Variants in MIA2 observed in about 807,000 individuals in gnomAD.
MIA2 encodes the protein melanoma inhibitory activity protein 2.
In MIA2, 127 loss-of-function variants were observed where a neutral mutation model predicts 167.8. The observed-to-expected ratio is 0.76, with a 90% CI of 0.66 to 0.88. MIA2 has a LOEUF of 0.88. Among genes scored for constraint, MIA2 ranks in the 40% least tolerant of loss-of-function variants. The pLI, the probability that MIA2 is intolerant of heterozygous loss-of-function variation, is 0.00. For missense variants in MIA2, 1,690 were observed against 1,624.7 expected, an observed-to-expected ratio of 1.04 and a Z score of -0.69; for synonymous variants, 552 against 541.9, an observed-to-expected ratio of 1.02 and a Z score of -0.26.
At position 39,256,234 on chromosome 14, in the gene MIA2, A is replaced by G. The variant is rs564160872; in HGVS notation, c.1887+3063A>G. On this transcript the variant is annotated intron_variant, in intron 6 of 28. Transcript: ENST00000640607. ...GGTCTCTACAGGGCTTTAAGTTCAT[A>G]ATCTTCAGGCTAAATATTCTGAGAG... 4.6e-5 allele frequency among the ~76,000 whole-genome samples: 7 copies of G among 152,302 alleles called. No homozygotes were observed. In the South Asian group the frequency reaches 1.5e-3, roughly 32 times the overall value.
chr14:39,266,925 G>A lies in MIA2; in HGVS notation c.1888-10009G>A, dbSNP rs12896609. ...GGCCGCCCGAGGCGGGTGCCCTTGGGACATAGCCCTGGTCTTTGGGGTTGT... is the reference window on the plus strand; with the variant it reads ...GGCCGCCCGAGGCGGGTGCCCTTGGAACATAGCCCTGGTCTTTGGGGTTGT... On this transcript the variant is annotated intron_variant, in intron 6 of 28. Coordinates refer to ENST00000640607, the MANE Select transcript of MIA2 (RefSeq NM_001329214.4). 1.4e-5 allele frequency: 9 copies of A among 648,010 alleles called. No individual in the cohort carries two copies. The South Asian group carries it at 4.6e-4, about 33-fold the overall frequency. 40.1% of individuals were successfully genotyped at this position (648,010 alleles called of 1,614,324 possible).
Position 39,290,663 on chromosome 14 carries a change from G to A in MIA2, c.2131-356G>A, listed in dbSNP as rs72675413. Among the ~76,000 whole-genome samples, 865 of 152,238 alleles carry A rather than the reference G, an allele frequency of 5.7e-3. 7 individuals are homozygous for A. The highest frequency in any genetic ancestry group is 0.029 in the South Asian group (142 of 4,822). ...AATTAGACAGCTTACGTAAAAATAC[G>A]CTCTTTGAGTAAATCTTTGGATAAT... On this transcript the variant is annotated intron_variant, in intron 9 of 28. Transcript: ENST00000640607.
rs2054369924 is a variant in MIA2 at position 39,247,616 on chromosome 14, G to T, written c.1042G>T (p.Asp348Tyr). ...AGATTTTCCCAATTCCATATCATCT[G>T]ATAAAGAAGCCACAGTTCCATGTAC... ...LQDFPNSISS[D>Y]KEATVPCTEI... is the part of the protein sequence containing the mutation. The change falls in exon 4 of 29, where the codon GAT (aspartate) becomes TAT (tyrosine). Residue 348 changes from aspartate (D) to tyrosine (Y), a missense_variant. Coordinates refer to ENST00000640607, the MANE Select transcript of MIA2 (RefSeq NM_001329214.4). The T allele has an allele frequency of 1.2e-6, 2 of 1,613,756 alleles. No homozygotes were observed. The highest frequency in any genetic ancestry group is 1.7e-6 in the Non-Finnish European group (2 of 1,179,972).
chr14:39,267,929 A>G (rs2056279482), intron 6 of MIA2, among the ~76,000 whole-genome samples: 1 of 151,378 alleles, frequency 6.6e-6, no homozygotes, highest in African/African-American at 2.4e-5. Flanking sequence ...TTCTCGTTGA[A>G]CCTTGAAAGA....
chr14:39,361,437 GTTTT>G (rs71130845), intron 23 of MIA2, among the ~76,000 whole-genome samples: 3 of 139,492 alleles, frequency 2.2e-5, no homozygotes, highest in African/African-American at 8.0e-5. Flanking sequence ...TAGGTGTGTG[GTTTT>G]TTTTTTTTTT....
rs186535502 is a variant in MIA2 at position 39,303,823 on chromosome 14, C to T, written c.2787+299C>T. ...GTAGTTCCCTCAGTGCATTCTTTTT[C>T]TTCTAGTCTCAGTATTTTCTTACCC... is the stretch of plus-strand genomic sequence containing the variant. On this transcript the variant is annotated intron_variant, in intron 16 of 28. Transcript: ENST00000640607. Among the ~76,000 whole-genome samples the T allele has an allele frequency of 1.3e-4, 20 of 151,786 alleles. No individual in the cohort carries two copies. In the East Asian group the frequency reaches 3.9e-3, roughly 29 times the overall value.
At position 39,337,740 on chromosome 14, in the gene MIA2, T is replaced by C. The variant is rs1351017375; in HGVS notation, c.3656-8164T>C. On this transcript the variant is annotated intron_variant, in intron 25 of 28. Transcript: ENST00000640607. ...TATAACATTCTTTTTTTTTTCGAGA[T>C]GGAGTCTCACTCTGTCACCCAGGCT... Among the ~76,000 whole-genome samples the C allele has an allele frequency of 3.3e-5, 5 of 151,908 alleles. No individual in the cohort carries two copies. In the East Asian group the frequency reaches 9.7e-4, roughly 29 times the overall value.
At chr14:39,317,794 T>A (rs948111579) in intron 21 of MIA2, 150 bp from the exon 22 acceptor site, 1 of 464,208 alleles carries the variant, frequency 2.2e-6, no homozygotes, top group Non-Finnish European at 3.6e-6. Flanking sequence ...AGTCTTACAC[T>A]TTTTCTTACT....
intron 18 of MIA2, among the ~76,000 whole-genome samples, chr14:39,310,956 A>G (rs2064135762): frequency 6.6e-6 from 1 of 152,224 alleles, no homozygotes; most frequent in Non-Finnish European, 1.5e-5. Flanking sequence ...GTTAGAATGA[A>G]AGGTATTAAA....
At chr14:39,279,298 AT>A in intron 7 of MIA2, 38 bp from the exon 8 acceptor site, 1 of 1,562,160 alleles carries the variant, frequency 6.4e-7, no homozygotes, top group South Asian at 1.2e-5. Context: ...TTGAGAGCGT[AT>A]TTGTTTTAAT....
intron 13 of MIA2, among the ~76,000 whole-genome samples, chr14:39,298,443 A>ATATATATATATATATATACATATGT: frequency 2.0e-5 from 1 of 50,030 alleles, no homozygotes; most frequent in South Asian, 6.3e-4. Flanking sequence ...ATATATATAT[A>ATATATATATATATATATACATATGT]AAGATTAGTT....
chr14:39,380,066 C>T (rs1227742546), intron 23 of MIA2, among the ~76,000 whole-genome samples: 1 of 152,122 alleles, frequency 6.6e-6, no homozygotes, highest in Non-Finnish European at 1.5e-5. Flanking sequence ...TAAGTGAAGG[C>T]TTTCGGTTTC....
At chr14:39,272,731 C>A (rs997017383) in intron 6 of MIA2, among the ~76,000 whole-genome samples, 1 of 152,202 alleles carries the variant, frequency 6.6e-6, no homozygotes, top group Non-Finnish European at 1.5e-5. Context: ...CCACTGCACT[C>A]CAGCCTGGGT....
chr14:39,301,304 A>G (rs972066561), intron 14 of MIA2, among the ~76,000 whole-genome samples: 4 of 152,162 alleles, frequency 2.6e-5, no homozygotes, highest in Non-Finnish European at 4.4e-5. Flanking sequence ...ACCTCAGGTG[A>G]TCCGCCCACC....
intron 7 of MIA2, among the ~76,000 whole-genome samples, chr14:39,278,800 GT>G (rs2058519008): frequency 6.6e-6 from 1 of 152,098 alleles, no homozygotes; most frequent in African/African-American, 2.4e-5. Context: ...TATCTTTAGA[GT>G]AAAGTTATTT....
intron 6 of MIA2, among the ~76,000 whole-genome samples, chr14:39,263,227 G>C (rs551002744): frequency 1.3e-5 from 2 of 152,122 alleles, no homozygotes; most frequent in South Asian, 2.1e-4. Flanking sequence ...TAGCATGAAG[G>C]GCTGTTGAAT....
Position 39,246,892 on chromosome 14 carries a change from A to G in MIA2, c.337-19A>G, listed in dbSNP as rs2054342959. The G allele has an allele frequency of 1.5e-6, 2 of 1,326,614 alleles. No individual in the cohort carries two copies. The highest frequency in any genetic ancestry group is 1.5e-5 in the South Asian group (1 of 66,472). The allele number at this position is 1,326,614 out of a possible 1,614,324, so 82.2% of individuals were successfully genotyped here. Reference sequence around the variant, plus strand: ...TCTAGTACATTCATGTTAATCATATATATATTTTTTCCTTTTAGGAATCTG... The same window carrying G: ...TCTAGTACATTCATGTTAATCATATGTATATTTTTTCCTTTTAGGAATCTG... On this transcript the variant is annotated intron_variant, in intron 3 of 28. Transcript: ENST00000640607.
At chr14:39,328,252 C>T (rs945213259) in intron 25 of MIA2, among the ~76,000 whole-genome samples, 1 of 152,158 alleles carries the variant, frequency 6.6e-6, no homozygotes, top group Non-Finnish European at 1.5e-5. Context: ...TGTTTGTTGG[C>T]TGCATAAATG....
chr14:39,362,264 G>C (rs1378733247), intron 23 of MIA2, among the ~76,000 whole-genome samples: 1 of 152,122 alleles, frequency 6.6e-6, no homozygotes, highest in African/African-American at 2.4e-5. Context: ...AGGAGAATTG[G>C]TGTTAATTCT....
Sources: gnomAD v4.1 joint callset for allele counts (sites outside exome capture counted in the v4.1 genomes callset) on GRCh38, gnomAD v4.1.1 for gene constraint, MANE v1.5 for transcripts, NCBI Gene and HGNC (gene_info 2026-07-23, HGNC 2026-07-21) for gene names.